Variants in MYH10 observed in about 807,000 individuals in gnomAD.
MYH10 encodes myosin-10.
In MYH10, 55 loss-of-function variants were observed where a neutral mutation model predicts 257.8. The observed-to-expected ratio is 0.21, with a 90% CI of 0.17 to 0.27. The LOEUF (loss-of-function observed/expected upper bound fraction) is 0.27, where lower values mean the gene tolerates loss of function less well. Among genes scored for constraint, MYH10 ranks in the 10% least tolerant of loss-of-function variants. The pLI is 1.00. For synonymous variants in MYH10, 854 were observed against 921.7 expected, an observed-to-expected ratio of 0.93 and a Z score of 1.33; for missense variants, 1,631 against 2,500.6, an observed-to-expected ratio of 0.65 and a Z score of 7.42.
intron 2 of MYH10, among the ~76,000 whole-genome samples, chr17:8,616,003 G>A (rs958795795): frequency 6.6e-6 from 1 of 152,228 alleles, no homozygotes; most frequent in African/African-American, 2.4e-5. Flanking sequence ...GTGTCAACTG[G>A]CTGGGCATGG....
intron 3 of MYH10, among the ~76,000 whole-genome samples, chr17:8,590,343 C>G (rs1320558244): frequency 6.6e-6 from 1 of 152,064 alleles, no homozygotes; most frequent in Non-Finnish European, 1.5e-5. Flanking sequence ...GACAGAGTCT[C>G]GCTCTGTTGC....
intron 17 of MYH10, among the ~76,000 whole-genome samples, chr17:8,529,649 T>C (rs1300323240): frequency 2.0e-5 from 3 of 152,230 alleles, no homozygotes; most frequent in Non-Finnish European, 2.9e-5. Flanking sequence ...GTCTACTTCT[T>C]TCATAGTATG....
rs141142128 is a variant in MYH10 at position 8,519,984 on chromosome 17, TAA to T, written c.2273+892_2273+893del. Among the ~76,000 whole-genome samples the T allele has an allele frequency of 2.8e-3, 433 of 152,288 alleles. 1 individual carries two copies. Among genetic ancestry groups the T allele is most frequent in the African/African-American group, 0.01 (423 of 41,558 alleles). ...TATCTACTCCTTTCCCTATGTTAGC[TAA>T]AAGACTGTAATTGCACGCATGTGTG... On this transcript the variant is annotated intron_variant, in intron 19 of 42. Coordinates refer to ENST00000360416, the MANE Select transcript of MYH10 (RefSeq NM_001256012.3).
At chr17:8,529,837 A>G (rs2081961537) in intron 17 of MYH10, among the ~76,000 whole-genome samples, 1 of 152,218 alleles carries the variant, frequency 6.6e-6, no homozygotes, top group African/African-American at 2.4e-5. Context: ...CAGTTTCACT[A>G]AACATTCGGA....
chr17:8,521,025 G>C (rs758769051), intron 18 of MYH10, 26 bp from the exon 19 acceptor site: 1 of 1,610,914 alleles, frequency 6.2e-7, no homozygotes, highest in South Asian at 1.1e-5. Context: ...ATAGTTTCAT[G>C]GTTTAATCTT....
intron 16 of MYH10, among the ~76,000 whole-genome samples, chr17:8,531,574 T>G (rs1413114369): frequency 6.6e-6 from 1 of 151,558 alleles, no homozygotes; most frequent in Non-Finnish European, 1.5e-5. Context: ...TTTTTTCAGT[T>G]GAGACAGGGT....
intron 30 of MYH10, among the ~76,000 whole-genome samples, chr17:8,497,918 A>T (rs113113440): frequency 6.6e-6 from 1 of 151,384 alleles, no homozygotes; most frequent in Non-Finnish European, 1.5e-5. Context: ...CTTAGGTATT[A>T]TAAGTAATCT....
chr17:8,497,918 A>G (rs113113440), intron 30 of MYH10, among the ~76,000 whole-genome samples: 5,308 of 151,470 alleles, frequency 0.035, 314 homozygotes, highest in African/African-American at 0.12. Context: ...CTTAGGTATT[A>G]TAAGTAATCT....
At position 8,490,405 on chromosome 17, in the gene MYH10, A is replaced by T. The variant is rs1415634147; in HGVS notation, c.4819T>A (p.Phe1607Ile). ...EVNMQAMKAQ[F>I]ERDLQTRDEQ... ...TCCCTGGTTTGCAGGTCTCTCTCGA[A>T]CTGCGCCTTCATGGCCTGCATGTTG... The change falls in exon 35 of 43, where the codon TTC (phenylalanine) becomes ATC (isoleucine). Residue 1607 changes from phenylalanine to isoleucine, a missense_variant. Physicochemically the swap from Phe to Ile is conservative, Grantham distance 21. Around this residue, in one of 11 missense-constraint regions of MYH10, gnomAD observed 463 missense variants for 621.8 expected, o/e 0.74. Transcript: ENST00000360416. This position sits in a 1 kb window ranked among gnomAD's most constrained non-coding sequence, Gnocchi z 4.1. 1.2e-6 allele frequency: 2 copies of T among 1,613,974 alleles called. No individual in the cohort carries two copies. Among genetic ancestry groups the T allele is most frequent in the Non-Finnish European group, 1.7e-6 (2 of 1,180,024 alleles).
Position 8,478,421 on chromosome 17 carries a change from C to G in MYH10, c.5623G>C (p.Val1875Leu), listed in dbSNP as rs560843007. The change falls in exon 41 of 43, where the codon GTC (valine) becomes CTC (leucine). Residue 1875 changes from valine (V) to leucine (L), a missense_variant. Val to Leu is a conservative substitution (Grantham distance 32). This residue lies in a region of MYH10 where 343 missense variants were observed against 389.5 expected (regional missense o/e 0.88). Transcript: ENST00000360416. Reference sequence around the variant, plus strand: ...TTCAGCTTCTTCTCAGTGCGACGGACTAATTTGTTGGCGGCTGCTCGTTCC... The same window carrying G: ...TTCAGCTTCTTCTCAGTGCGACGGAGTAATTTGTTGGCGGCTGCTCGTTCC... ...AKERAAANKLVRRTEKKLKEI... is the reference protein window; with the variant it reads ...AKERAAANKLLRRTEKKLKEI... 9.9e-6 allele frequency: 16 copies of G among 1,614,124 alleles called. No homozygotes were observed. Among genetic ancestry groups the G allele is most frequent in the African/African-American group, 1.3e-5 (1 of 74,944 alleles).
chr17:8,613,241 CA>C (rs896552961), intron 2 of MYH10, among the ~76,000 whole-genome samples: 8 of 151,736 alleles, frequency 5.3e-5, no homozygotes, highest in Middle Eastern at 6.8e-3. Flanking sequence ...CAGCAAAAAC[CA>C]AAAAAACTTC....
intron 4 of MYH10, among the ~76,000 whole-genome samples, chr17:8,587,843 T>C (rs1432174511): frequency 6.6e-6 from 1 of 152,208 alleles, no homozygotes; most frequent in Non-Finnish European, 1.5e-5. Context: ...TTGAGTTTTC[T>C]AGAAATTGTA....
chr17:8,611,258 T>C (rs1310061173), intron 2 of MYH10, among the ~76,000 whole-genome samples: 1 of 152,210 alleles, frequency 6.6e-6, no homozygotes, highest in African/African-American at 2.4e-5. Flanking sequence ...AGTCAACTCC[T>C]GCATGGACTA....
intron 25 of MYH10, among the ~76,000 whole-genome samples, chr17:8,509,464 C>T (rs1353645577): frequency 6.6e-6 from 1 of 152,222 alleles, no homozygotes; most frequent in Non-Finnish European, 1.5e-5. Context: ...GGTGCCCACC[C>T]CGGGAGCTTG....
At chr17:8,604,734 T>G in intron 3 of MYH10, 92 bp downstream of exon 3, 1 of 967,986 alleles carries the variant, frequency 1.0e-6, no homozygotes. Context: ...AAAAATAAAA[T>G]TTAACTTTTG....
chr17:8,613,156 C>T (rs912973888), intron 2 of MYH10, among the ~76,000 whole-genome samples: 14 of 152,058 alleles, frequency 9.2e-5, no homozygotes, highest in Middle Eastern at 3.4e-3. Context: ...CAGAAAAAGA[C>T]GAAAGGCAGA....
In MYH10 at chr17:8,492,463, C is replaced by T. The variant is rs755969165; in HGVS notation, c.4505G>A (p.Arg1502Gln). ...TCTGGCCTCGGCTTCGGCCCGGTCC[C>T]GCTCTTCGGCATAGCGAGCAGAGAT... ...KSISARYAEE[R>Q]DRAEAEAREK... The change falls in exon 34 of 43, where the codon CGG (arginine) becomes CAG (glutamine). Residue 1502 changes from arginine to glutamine, a missense_variant. Arg to Gln is a conservative substitution (Grantham distance 43). This residue lies in a region of MYH10 where 463 missense variants were observed against 621.8 expected (regional missense o/e 0.74). Transcript: ENST00000360416. The T allele has an allele frequency of 4.3e-6, 7 of 1,612,494 alleles. No homozygotes were observed. Among genetic ancestry groups the T allele is most frequent in the East Asian group, 2.2e-5 (1 of 44,872 alleles).
intron 4 of MYH10, among the ~76,000 whole-genome samples, chr17:8,578,299 G>C (rs988712526): frequency 7.0e-6 from 1 of 143,186 alleles, no homozygotes; most frequent in African/African-American, 2.6e-5. Flanking sequence ...CTGGAGCACA[G>C]TGGCATGATC....
chr17:8,575,494 G>A (rs929783719), intron 6 of MYH10, among the ~76,000 whole-genome samples: 3 of 152,062 alleles, frequency 2.0e-5, no homozygotes, highest in African/African-American at 7.2e-5. Context: ...CTCTTCATTT[G>A]TATCACTGGT....
Sources: allele counts gnomAD v4.1 joint callset (sites outside exome capture counted in the v4.1 genomes callset), GRCh38; gene constraint gnomAD v4.1.1; regional missense constraint gnomAD v4.1.1; non-coding constraint Gnocchi (gnomAD v3.1); transcripts MANE v1.5; gene names NCBI Gene and HGNC (gene_info 2026-07-23, HGNC 2026-07-21).